ADAM33: variants seen among roughly 807,000 people sequenced by gnomAD.
The protein encoded by ADAM33 is ADAM metallopeptidase domain 33, also known as disintegrin and metalloproteinase domain-containing protein 33.
Under a neutral mutation model 106.2 loss-of-function variants are expected in ADAM33, and 103 were observed. The observed-to-expected ratio is 0.97, with a 90% confidence interval of 0.83 to 1.14. The LOEUF is 1.14. Ranked by LOEUF, ADAM33 falls within the 50% of genes most tolerant of loss-of-function variation. The pLI is 0.00. For synonymous variants in ADAM33, 483 were observed against 453.0 expected (o/e 1.07, Z -0.84); for missense variants, 1,120 against 1,096.6 (o/e 1.02, Z -0.30).
Position 3,681,973 on chromosome 20 carries a change from G to A in ADAM33, c.32C>T (p.Thr11Ile), listed in dbSNP as rs2088541068. ...CAGTAGTAGCAGCAGCAGCAACGGG[G>A]TCCCCCGAGCTCTCCGGGGCCTCCA... is the stretch of plus-strand genomic sequence containing the variant. MGWRPRRARG[T>I]PLLLLLLLLL... Residue 11 changes from threonine (T) to isoleucine (I), a missense_variant, in exon 1 of 22, where the codon ACC becomes ATC. Physicochemically the swap from Thr to Ile is moderately conservative, Grantham distance 89. Transcript: ENST00000356518. The A allele has an allele frequency of 6.5e-7, 1 of 1,547,756 alleles. No homozygotes were observed. The highest frequency in any genetic ancestry group is 8.7e-7 in the Non-Finnish European group (1 of 1,146,996).
At chr20:3,673,279 C>T in intron 11 of ADAM33, 75 bp downstream of exon 11, 1 of 1,534,352 alleles carries the variant, frequency 6.5e-7, no homozygotes, top group Non-Finnish European at 8.7e-7. Flanking sequence ...AACTGAGGGA[C>T]GACCAAAGAA....
rs754164412 is a variant in ADAM33 at position 3,671,467 on chromosome 20, A to G, written c.1935T>C (p.Asn645=). 2 of 1,611,586 alleles carry G rather than the reference A, an allele frequency of 1.2e-6. No individual in the cohort carries two copies. The highest frequency in any genetic ancestry group is 2.7e-5 in the African/African-American group (2 of 74,922). The change falls in exon 17 of 22, where the codon AAT becomes AAC. Residue 645 remains asparagine (N), a synonymous_variant. Transcript: ENST00000356518. The stretch of plus-strand genomic sequence containing the variant: ...GGCAGCGCTGAAGCTCCTGGAAGGC[A>G]TTCTTCCTGCAGCGCCTGCTCTGGC... ...MVCQSRRCRK[N]AFQELQRCLT...
rs749970775 is a variant in ADAM33 at position 3,673,737 on chromosome 20, G to A, written c.905+8C>T. On this transcript the variant is annotated splice_region_variant and intron_variant, in intron 9 of 21. Coordinates refer to ENST00000356518, the MANE Select transcript of ADAM33 (RefSeq NM_025220.5). ...CCCGGGACCCGCGTCCGGGTCAGAG[G>A]CACCCACGTGAGCAGCTGCGCGGAG... 6.8e-7 allele frequency: 1 copy of A among 1,477,926 alleles called. No individual in the cohort carries two copies. The highest frequency in any genetic ancestry group is 2.6e-5 in the East Asian group (1 of 38,122). The allele number at this position is 1,477,926 out of a possible 1,614,324, so 91.6% of individuals were successfully genotyped here. A position where few individuals can be genotyped will look rare whatever the true frequency, so the allele number is the denominator to read the frequency against.
chr20:3,678,038 G>A (rs549438838), intron 2 of ADAM33, among the ~76,000 whole-genome samples: 12 of 152,322 alleles, frequency 7.9e-5, no homozygotes, highest in Admixed American at 6.5e-4. Context: ...TTCTTCCTTC[G>A]CAAGTGGGGA....
At chr20:3,669,703 C>T in intron 19 of ADAM33, 66 bp from the exon 20 acceptor site, 1 of 1,404,384 alleles carries the variant, frequency 7.1e-7, no homozygotes, top group South Asian at 1.2e-5. Flanking sequence ...TGCCTCCCCG[C>T]AGCATGGTGT....
In ADAM33 at chr20:3,677,055, C is replaced by T. The variant is rs750439003; in HGVS notation, c.254+12G>A. The T allele has an allele frequency of 1.9e-6, 3 of 1,612,358 alleles. No individual in the cohort carries two copies. Among genetic ancestry groups the T allele is most frequent in the Non-Finnish European group, 2.5e-6 (3 of 1,179,680 alleles). ...TCCCCTCCTCCCAGCCCTACCCCAG[C>T]CTGGCACTCACTGGTTCTTCTCCAG... On this transcript the variant is annotated intron_variant, in intron 3 of 21. Coordinates refer to ENST00000356518, the MANE Select transcript of ADAM33 (RefSeq NM_025220.5).
Position 3,671,739 on chromosome 20 carries a change from G to C in ADAM33, c.1747C>G (p.Pro583Ala), listed in dbSNP as rs1433139987. The change falls in exon 16 of 22, where the codon CCC becomes GCC. Residue 583 changes from proline to alanine, a missense_variant. Coordinates refer to ENST00000356518, the MANE Select transcript of ADAM33 (RefSeq NM_025220.5). ...CGKLQCQGGK[P>A]SLLAPHMVPV... ...ACCATGTGCGGTGCGAGCAGGCTGGGCTTTCCACCCTGGCACTGCAGCTTC... is the reference window on the plus strand; with the variant it reads ...ACCATGTGCGGTGCGAGCAGGCTGGCCTTTCCACCCTGGCACTGCAGCTTC... The C allele has an allele frequency of 1.3e-6, 2 of 1,580,462 alleles. No individual in the cohort carries two copies. Among genetic ancestry groups the C allele is most frequent in the African/African-American group, 2.7e-5 (2 of 74,026 alleles).
intron 19 of ADAM33, 79 bp downstream of exon 19, chr20:3,670,927 C>G: frequency 4.1e-6 from 6 of 1,461,190 alleles, no homozygotes; most frequent in Non-Finnish European, 5.4e-6. Flanking sequence ...AGGGCCTGCC[C>G]CAGCTCCCAC....
At chr20:3,677,025 ACT>A (rs761794342) in intron 3 of ADAM33, 40 bp downstream of exon 3, 1 of 1,600,498 alleles carries the variant, frequency 6.2e-7, no homozygotes, top group Admixed American at 1.7e-5. Context: ...GCCCCCCAAC[ACT>A]GATCCCCTCC....
At chr20:3,681,778 C>T in intron 1 of ADAM33, 130 bp downstream of exon 1, 2 of 1,353,060 alleles carry the variant, frequency 1.5e-6, no homozygotes, top group African/African-American at 3.1e-5. Context: ...CACGCCCTGA[C>T]CTACTGGCCG....
chr20:3,671,852 C>G lies in ADAM33; in HGVS notation c.1706+25G>C, dbSNP rs113432889. 1.4e-3 allele frequency: 2,208 copies of G among 1,551,644 alleles called. 29 individuals are homozygous for G. The African/African-American group carries it at 0.026, about 18-fold the overall frequency. On this transcript the variant is annotated intron_variant, in intron 15 of 21. Transcript: ENST00000356518. ...CCAAACCCACTCCATAGCTTCTGCT[C>G]CCTCCACTCAGCTCCACTCCCTACC...
rs1483679676 is a variant in ADAM33 at position 3,669,544 on chromosome 20, A to T, written c.2332+2T>A. ...TCCACCTCCCCCTGGTGCCTCACTC[A>T]CCCAGGGGCCAGGGCTGTCCAGTGG... On this transcript the variant is annotated splice_donor_variant, in intron 20 of 21. Transcript: ENST00000356518. LOFTEE classifies it high-confidence loss of function. 8 of 1,581,878 alleles carry T rather than the reference A, an allele frequency of 5.1e-6. No individual in the cohort carries two copies. Among genetic ancestry groups the T allele is most frequent in the Non-Finnish European group, 6.9e-6 (8 of 1,163,692 alleles).
Position 3,669,847 on chromosome 20 carries a change from G to A in ADAM33, c.2241-210C>T, listed in dbSNP as rs565899022. The A allele has an allele frequency of 1.4e-4, 91 of 665,336 alleles. 2 individuals are homozygous for A. The highest frequency in any genetic ancestry group is 1.3e-3 in the South Asian group (77 of 59,580). The allele number at this position is 665,336 out of a possible 1,614,324, so 41.2% of individuals were successfully genotyped here. ...GGCTCCAAGTGAGCCTCATGCCCTCGGCTGGCACCTCCTCTCTCTAGTCCT... is the reference window on the plus strand; with the variant it reads ...GGCTCCAAGTGAGCCTCATGCCCTCAGCTGGCACCTCCTCTCTCTAGTCCT... On this transcript the variant is annotated intron_variant, in intron 19 of 21. Transcript: ENST00000356518.
In ADAM33 at chr20:3,672,215, GTGA is replaced by G; in HGVS notation, c.1513_1515del (p.Ser505del). 6.2e-7 allele frequency: 1 copy of G among 1,613,474 alleles called. No individual in the cohort carries two copies. Among genetic ancestry groups the G allele is most frequent in the Non-Finnish European group, 8.5e-7 (1 of 1,180,038 alleles). On this transcript the variant is annotated inframe_deletion, in exon 14 of 22. Coordinates refer to ENST00000356518, the MANE Select transcript of ADAM33 (RefSeq NM_025220.5). ...CAGTAGCCACTGCCCCTGGCACAGG[GTGA>G]GCCGTCCAGTAGGTAAACGTCTGGG...
rs2087562646 is a variant in ADAM33 at position 3,671,919 on chromosome 20, C to T, written c.1664G>A (p.Cys555Tyr). The T allele has an allele frequency of 1.3e-6, 2 of 1,555,456 alleles. No individual in the cohort carries two copies. Among genetic ancestry groups the T allele is most frequent in the Non-Finnish European group, 1.7e-6 (2 of 1,148,988 alleles). ...VNSAGDAHGN[C>Y]GQDSEGHFLP... ...GAAGTGGCCCTCGCTGTCCTGGCCG[C>T]AGTTTCCATGAGCATCTCCCGCAGA... is the stretch of plus-strand genomic sequence containing the variant. The change falls in exon 15 of 22, where the codon TGC (cysteine) becomes TAC (tyrosine). Residue 555 changes from cysteine to tyrosine, a missense_variant. Coordinates refer to ENST00000356518, the MANE Select transcript of ADAM33 (RefSeq NM_025220.5).
chr20:3,671,688 C>G lies in ADAM33; in HGVS notation c.1798G>C (p.Asp600His), dbSNP rs1025743418. 2 of 1,587,114 alleles carry G rather than the reference C, an allele frequency of 1.3e-6. No individual in the cohort carries two copies. The highest frequency in any genetic ancestry group is 2.7e-5 in the African/African-American group (2 of 74,166). ...CCCCGACAAGTCACTTCCTGGCCATCTAGGTGAACGGTAGAGTCCACTGGC... is the reference window on the plus strand; with the variant it reads ...CCCCGACAAGTCACTTCCTGGCCATGTAGGTGAACGGTAGAGTCCACTGGC... ...MVPVDSTVHL[D>H]GQEVTCRGAL... Residue 600 changes from aspartate (D) to histidine (H), a missense_variant, in exon 16 of 22, where the codon GAT becomes CAT. Physicochemically the swap from Asp to His is moderately conservative, Grantham distance 81 (BLOSUM62 -1). Coordinates refer to ENST00000356518, the MANE Select transcript of ADAM33 (RefSeq NM_025220.5).
intron 11 of ADAM33, chr20:3,673,138 C>T: frequency 1.4e-6 from 2 of 1,478,960 alleles, no homozygotes; most frequent in South Asian, 1.4e-5. Context: ...TAGGAGTAAC[C>T]TCGCCAGGTT....
At chr20:3,679,461 C>G in intron 2 of ADAM33, 31 bp downstream of exon 2, 1 of 1,586,120 alleles carries the variant, frequency 6.3e-7, no homozygotes, top group South Asian at 1.1e-5. Flanking sequence ...GTTCAGGGCC[C>G]CTGTGGAGGG....
Position 3,675,182 on chromosome 20 carries a change from C to A in ADAM33, c.255-77G>T. The A allele has an allele frequency of 1.8e-6, 2 of 1,140,104 alleles. No individual in the cohort carries two copies. The highest frequency in any genetic ancestry group is 1.4e-5 in the South Asian group (1 of 71,556). The allele number at this position is 1,140,104 out of a possible 1,614,324, so 70.6% of individuals were successfully genotyped here. Reference sequence around the variant, plus strand: ...CCAGGATGTCTCCCAGCCTTCCTCCCTAAATGCTAATGGAGCAGCTTTATG... The same window carrying A: ...CCAGGATGTCTCCCAGCCTTCCTCCATAAATGCTAATGGAGCAGCTTTATG... On this transcript the variant is annotated intron_variant, in intron 3 of 21. Transcript: ENST00000356518. The surrounding 1 kb of genome is among the most constrained non-coding windows in gnomAD (Gnocchi z 4.1).
Sources: allele counts gnomAD v4.1 joint callset (sites outside exome capture counted in the v4.1 genomes callset), GRCh38; gene constraint gnomAD v4.1.1; non-coding constraint Gnocchi (gnomAD v3.1); transcripts MANE v1.5; gene names NCBI Gene and HGNC (gene_info 2026-07-23, HGNC 2026-07-21).